The following IRAG2 variants were observed in gnomAD, a reference collection of about 807,000 sequenced individuals.
The protein encoded by IRAG2 is lymphoid restricted membrane protein.
In IRAG2, 45 loss-of-function variants were observed where a neutral mutation model predicts 69.9. The ratio of observed to expected loss-of-function variants is 0.64; its 90% CI spans 0.51 to 0.83. IRAG2 has a LOEUF of 0.83. Ranked by LOEUF, IRAG2 falls within the 40% of genes least tolerant of loss-of-function variation. The pLI, the probability that IRAG2 is intolerant of heterozygous loss-of-function variation, is 0.00. For synonymous variants in IRAG2, 193 were observed against 202.4 expected, an observed-to-expected ratio of 0.95 and a Z score of 0.40; for missense variants, 520 against 587.0, an observed-to-expected ratio of 0.89 and a Z score of 1.18.
chr12:25,061,846 C>T (rs1404519012), intron 2 of IRAG2, among the ~76,000 whole-genome samples, 193 bp downstream of exon 2: 1 of 152,212 alleles, frequency 6.6e-6, no homozygotes. Flanking sequence ...GGAGATCTTA[C>T]ATTAGTGAGT....
intron 14 of IRAG2, among the ~76,000 whole-genome samples, chr12:25,036,342 G>A (rs1944701926): frequency 6.6e-6 from 1 of 152,134 alleles, no homozygotes; most frequent in Admixed American, 6.5e-5. Flanking sequence ...TTAAAAAGAT[G>A]GGGTTTGTTC....
At chr12:25,077,388 A>ATATATGAAATATATATGATATG (rs1316073858) in intron 6 of IRAG2, among the ~76,000 whole-genome samples, 2 of 135,006 alleles carry the variant, frequency 1.5e-5, no homozygotes, top group Non-Finnish European at 3.2e-5. Flanking sequence ...TATATGATAT[A>ATATATGAAATATATATGATATG]TATATGAAAT....
intron 6 of IRAG2, chr12:25,076,545 C>T: frequency 1.0e-6 from 1 of 984,904 alleles, no homozygotes; most frequent in Non-Finnish European, 1.2e-6. Context: ...GATGTACTCT[C>T]TTTTCCCCAA....
upstream of IRAG2, among the ~76,000 whole-genome samples, chr12:25,002,905 G>A (rs952714219): frequency 6.6e-5 from 10 of 152,072 alleles, no homozygotes; most frequent in Non-Finnish European, 1.3e-4. Flanking sequence ...GCCTCCCAAA[G>A]TGTTGGGATT....
chr12:25,075,638 C>A (rs1946647584), intron 6 of IRAG2: 1 of 151,328 alleles, frequency 6.6e-6, no homozygotes, highest in Non-Finnish European at 1.5e-5. Flanking sequence ...GCTACCCCAC[C>A]CTACATTAGA....
chr12:25,100,000 G>GAAAAAAAAA (rs56728551), intron 15 of IRAG2, among the ~76,000 whole-genome samples: 1,513 of 25,642 alleles, frequency 0.059, 362 homozygotes, highest in Middle Eastern at 0.1. Flanking sequence ...GACTCCATCT[G>GAAAAAAAAA]AAAAAAAAAA....
intron 20 of IRAG2, 148 bp from the exon 21 acceptor site, chr12:25,106,795 T>G (rs1210089308): frequency 5.7e-6 from 2 of 353,354 alleles, no homozygotes; most frequent in Non-Finnish European, 1.1e-5. Context: ...GTGATTTGAT[T>G]TTTAGAGTTA....
chr12:25,085,426 C>T (rs532156097), intron 10 of IRAG2, among the ~76,000 whole-genome samples: 10 of 152,202 alleles, frequency 6.6e-5, no homozygotes, highest in Non-Finnish European at 1.5e-4. Flanking sequence ...GGCTAAACTC[C>T]CCTTGGCATC....
At chr12:25,069,799 T>C (rs1946213227) in intron 6 of IRAG2, among the ~76,000 whole-genome samples, 1 of 152,170 alleles carries the variant, frequency 6.6e-6, no homozygotes, top group Non-Finnish European at 1.5e-5. Context: ...AGAATTGAGG[T>C]CGAGGCTGGA....
At chr12:25,055,296 A>T (rs1032622645) in intron 1 of IRAG2, among the ~76,000 whole-genome samples, 3 of 152,244 alleles carry the variant, frequency 2.0e-5, no homozygotes, top group Non-Finnish European at 4.4e-5. Context: ...TTATGAGGCA[A>T]TTCATGTGCA....
intron 16 of IRAG2, among the ~76,000 whole-genome samples, chr12:25,038,821 A>T (rs1944724437): frequency 6.6e-6 from 1 of 152,194 alleles, no homozygotes; most frequent in Admixed American, 6.5e-5. Context: ...AAGACCTGAG[A>T]GTTACTAATG....
chr12:25,061,745 T>G (rs1945650668), intron 2 of IRAG2, 92 bp downstream of exon 2: 2 of 397,554 alleles, frequency 5.0e-6, no homozygotes, highest in Non-Finnish European at 8.9e-6. Flanking sequence ...GACAATGACT[T>G]TAATCATTAA....
At chr12:25,010,129 A>G (rs1471023135) in intron 2 of IRAG2, among the ~76,000 whole-genome samples, 1 of 152,246 alleles carries the variant, frequency 6.6e-6, no homozygotes, top group Non-Finnish European at 1.5e-5. Flanking sequence ...AAAATATGAT[A>G]AATGATTATT....
rs1170581897 is a variant in IRAG2 at position 25,088,132 on chromosome 12, A to G, written c.348A>G (p.Glu116=). The change falls in exon 11 of 22, where the codon GAA becomes GAG. Residue 116 remains glutamate, a synonymous_variant. Transcript: ENST00000556887. ...EAKEEPETIE[E]HKKEHASGDS... ...AAGAGGAACCAGAAACAATAGAAGA[A>G]CATAAAAAAGAACATGCTTCAGGAG... 6.2e-7 allele frequency: 1 copy of G among 1,613,442 alleles called. No homozygotes were observed. Among genetic ancestry groups the G allele is most frequent in the Non-Finnish European group, 8.5e-7 (1 of 1,179,474 alleles).
intron 15 of IRAG2, chr12:25,097,287 T>A: frequency 2.6e-6 from 1 of 383,084 alleles, no homozygotes; most frequent in Admixed American, 4.3e-5. Flanking sequence ...CTTCAAGATG[T>A]ATAGTGTTAT....
At chr12:25,024,620 CA>C (rs1297910069) in intron 8 of IRAG2, among the ~76,000 whole-genome samples, 2 of 152,106 alleles carry the variant, frequency 1.3e-5, no homozygotes, top group African/African-American at 4.8e-5. Flanking sequence ...GTGAGGCTAT[CA>C]GAAGTATTTA....
chr12:25,053,324 G>C (rs373175187), intron 1 of IRAG2, among the ~76,000 whole-genome samples: 1 of 151,260 alleles, frequency 6.6e-6, no homozygotes, highest in Non-Finnish European at 1.5e-5. Flanking sequence ...GATTTTATTA[G>C]CTAGTTTTTT....
intron 14 of IRAG2, among the ~76,000 whole-genome samples, chr12:25,091,494 A>G (rs780678037): frequency 6.6e-6 from 1 of 152,116 alleles, no homozygotes; most frequent in Non-Finnish European, 1.5e-5. Context: ...CTATTCATAC[A>G]TCGATGGGCA....
chr12:25,010,088 T>C (rs1944463178), intron 2 of IRAG2, among the ~76,000 whole-genome samples: 2 of 152,224 alleles, frequency 1.3e-5, no homozygotes, highest in East Asian at 1.9e-4. Flanking sequence ...CTAGTTTTGA[T>C]ATGACAGAGG....
Sources: gnomAD v4.1 joint callset for allele counts (sites outside exome capture counted in the v4.1 genomes callset) on GRCh38, gnomAD v4.1.1 for gene constraint, MANE v1.5 for transcripts, NCBI Gene and HGNC (gene_info 2026-07-23, HGNC 2026-07-21) for gene names.